The following MAST4 variants were observed in gnomAD, a reference collection of about 807,000 sequenced individuals.
MAST4 encodes microtubule-associated serine/threonine-protein kinase 4.
In MAST4, 89 loss-of-function variants were observed where a neutral mutation model predicts 162.7. That is an observed-to-expected ratio of 0.55 (90% CI 0.46 to 0.65). The LOEUF (loss-of-function observed/expected upper bound fraction) is 0.65, where lower values mean the gene tolerates loss of function less well. Ranked by LOEUF, MAST4 falls within the 30% of genes least tolerant of loss-of-function variation. The pLI is 0.00. For missense variants in MAST4, 3,153 were observed against 3,374.0 expected, an observed-to-expected ratio of 0.93 and a Z score of 1.62; for synonymous variants, 1,479 against 1,361.1, an observed-to-expected ratio of 1.09 and a Z score of -1.91.
intron 3 of MAST4, among the ~76,000 whole-genome samples, chr5:66,816,223 T>G (rs1234566082): frequency 6.6e-6 from 1 of 152,044 alleles, no homozygotes; most frequent in African/African-American, 2.4e-5. Flanking sequence ...TTTTTTTTTG[T>G]GATTCTTTTT....
At chr5:66,788,601 C>CCCCCCCCAAACAAAAAAAAAAAAA in intron 2 of MAST4, 69 bp from the exon 3 acceptor site, 1 of 1,179,560 alleles carries the variant, frequency 8.5e-7, no homozygotes, top group Non-Finnish European at 1.2e-6. Context: ...ACCCCACCCC[C>CCCCCCCCAAACAAAAAAAAAAAAA]ACCCCCATTG....
chr5:66,725,404 C>T (rs1751451977), intron 1 of MAST4, among the ~76,000 whole-genome samples: 1 of 151,958 alleles, frequency 6.6e-6, no homozygotes, highest in Non-Finnish European at 1.5e-5. Flanking sequence ...CCTCCTTCCC[C>T]AAAGAATAAG....
chr5:66,921,064 T>C (rs152448), intron 4 of MAST4, among the ~76,000 whole-genome samples: 48,307 of 151,854 alleles, frequency 0.32, 9,296 homozygotes, highest in Non-Finnish European at 0.45. Flanking sequence ...AAGTGATAAG[T>C]TGGGATGCAC....
chr5:66,760,364 G>A (rs1361250441), intron 2 of MAST4, among the ~76,000 whole-genome samples: 1 of 151,908 alleles, frequency 6.6e-6, no homozygotes, highest in African/African-American at 2.4e-5. Flanking sequence ...TCTGCCTGCC[G>A]TGGCCTCCCA....
intron 4 of MAST4, chr5:66,986,497 C>T (rs1295193769): frequency 1.3e-6 from 2 of 1,565,224 alleles, no homozygotes; most frequent in Admixed American, 1.9e-5. Flanking sequence ...ATTGCCACCA[C>T]ATTAAATAAA....
intron 1 of MAST4, among the ~76,000 whole-genome samples, chr5:66,739,962 G>A (rs1387012948): frequency 5.3e-5 from 8 of 151,198 alleles, no homozygotes; most frequent in Non-Finnish European, 1.2e-4. Flanking sequence ...TTTCTTAGTA[G>A]TACTATGTTT....
Position 67,163,132 on chromosome 5 carries a change from GT to G in MAST4, c.3968-11del. The G allele has an allele frequency of 6.3e-7, 1 of 1,589,908 alleles. No homozygotes were observed. Among genetic ancestry groups the G allele is most frequent in the Non-Finnish European group, 8.6e-7 (1 of 1,162,842 alleles). On this transcript the variant is annotated splice_polypyrimidine_tract_variant and intron_variant, in intron 28 of 28. Transcript: ENST00000403625. The surrounding 1 kb of genome is among the most constrained non-coding windows in gnomAD (Gnocchi z 7.0). ...TGACCATGGATGCTCACAGCCTTCT[GT>G]TTTCCATCCACAGGTACTAATTCCT... is the stretch of plus-strand genomic sequence containing the variant.
intron 4 of MAST4, among the ~76,000 whole-genome samples, chr5:66,975,998 A>G (rs1748095631): frequency 6.6e-6 from 1 of 151,692 alleles, no homozygotes; most frequent in Admixed American, 6.6e-5. Context: ...ACTCCATCTA[A>G]AAAAAAATGC....
chr5:67,045,479 G>A (rs760030282), intron 4 of MAST4, among the ~76,000 whole-genome samples: 17 of 152,182 alleles, frequency 1.1e-4, no homozygotes, highest in Non-Finnish European at 2.1e-4. Flanking sequence ...GGAGAAATTA[G>A]TTGTTAAAAA....
intron 5 of MAST4, among the ~76,000 whole-genome samples, chr5:67,076,385 A>G (rs1259537986): frequency 6.6e-6 from 1 of 152,142 alleles, no homozygotes; most frequent in Non-Finnish European, 1.5e-5. Context: ...TCCTGAACAC[A>G]GATGCATGTG....
chr5:66,953,707 G>A (rs1181188936), intron 4 of MAST4, among the ~76,000 whole-genome samples: 1 of 152,116 alleles, frequency 6.6e-6, no homozygotes, highest in East Asian at 1.9e-4. Context: ...GAATCGACAT[G>A]TTAAAACTAG....
At chr5:66,665,744 C>T (rs1199535709) in intron 1 of MAST4, among the ~76,000 whole-genome samples, 1 of 152,158 alleles carries the variant, frequency 6.6e-6, no homozygotes, top group East Asian at 1.9e-4. Context: ...GAATTTTGGG[C>T]AGATTATGTA....
chr5:66,654,495 T>G lies in MAST4; in HGVS notation c.363+57477T>G, dbSNP rs368878609. Reference sequence around the variant, plus strand: ...GACAGAGCTACAGAAGGTACTGTTTTGCAATTCTTGATTCAGAGGAGAAAT... The same window carrying G: ...GACAGAGCTACAGAAGGTACTGTTTGGCAATTCTTGATTCAGAGGAGAAAT... On this transcript the variant is annotated intron_variant, in intron 1 of 28. Coordinates refer to ENST00000403625, the MANE Select transcript of MAST4 (RefSeq NM_001164664.2). Among the ~76,000 whole-genome samples, 13 of 152,296 alleles carry G rather than the reference T, an allele frequency of 8.5e-5. No individual in the cohort carries two copies. The South Asian group carries it at 1.0e-3, about 12-fold the overall frequency.
chr5:67,105,168 G>A (rs938615439), intron 10 of MAST4, among the ~76,000 whole-genome samples: 1 of 152,172 alleles, frequency 6.6e-6, no homozygotes, highest in South Asian at 2.1e-4. Flanking sequence ...GAGTCTGTAT[G>A]GGGGAATGGA....
Position 67,160,572 on chromosome 5 carries a change from GAAGA to G in MAST4, c.3773_3776del (p.Glu1258ValfsTer12). 1.2e-6 allele frequency: 2 copies of G among 1,613,540 alleles called. No individual in the cohort carries two copies. ...TGGTGAGGCGGAGCAAGAAATCCAA[GAAGA>G]AAGAAAGTCTCGAAAGGTTAGTAAA... On this transcript the variant is annotated frameshift_variant, in exon 27 of 29. Transcript: ENST00000403625. LOFTEE classifies it high-confidence loss of function.
intron 12 of MAST4, among the ~76,000 whole-genome samples, chr5:67,116,756 C>T (rs986211613): frequency 3.3e-5 from 5 of 152,012 alleles, no homozygotes; most frequent in Admixed American, 2.6e-4. Flanking sequence ...GCAGAGGTTG[C>T]AGTGAGCCGA....
chr5:66,904,040 G>A (rs1423007880), intron 4 of MAST4, among the ~76,000 whole-genome samples: 4 of 152,208 alleles, frequency 2.6e-5, no homozygotes, highest in African/African-American at 4.8e-5. Context: ...TTCTAATAAC[G>A]AATTTGTACT....
intron 1 of MAST4, among the ~76,000 whole-genome samples, chr5:66,659,506 A>C (rs1330173676): frequency 2.0e-5 from 3 of 152,256 alleles, no homozygotes; most frequent in African/African-American, 7.2e-5. Context: ...AAAGATTTGT[A>C]GGCCAAATGG....
intron 1 of MAST4, among the ~76,000 whole-genome samples, chr5:66,675,159 T>C (rs1405747212): frequency 6.6e-6 from 1 of 152,210 alleles, no homozygotes; most frequent in African/African-American, 2.4e-5. Context: ...TTGCTGAGCC[T>C]GGGTAAATTG....
Sources: gnomAD v4.1 joint callset for allele counts (sites outside exome capture counted in the v4.1 genomes callset) on GRCh38, gnomAD v4.1.1 for gene constraint, Gnocchi (gnomAD v3.1) non-coding constraint, MANE v1.5 for transcripts, NCBI Gene and HGNC (gene_info 2026-07-23, HGNC 2026-07-21) for gene names.